The following SLC39A11 variants were observed in gnomAD, a reference collection of about 807,000 sequenced individuals.
SLC39A11 encodes solute carrier family 39 member 11.
A neutral mutation model predicts 36.1 loss-of-function variants in SLC39A11; 33 were observed. The observed-to-expected ratio is 0.91, with a 90% CI of 0.69 to 1.22. The LOEUF (loss-of-function observed/expected upper bound fraction) is 1.22, where lower values mean the gene tolerates loss of function less well. Ranked by LOEUF, SLC39A11 falls within the 50% of genes most tolerant of loss-of-function variation. The pLI is 0.00. For synonymous variants in SLC39A11, 166 were observed against 170.3 expected, an observed-to-expected ratio of 0.97 and a Z score of 0.20; for missense variants, 432 against 430.3, an observed-to-expected ratio of 1.00 and a Z score of -0.03.
At chr17:72,675,451 G>A (rs971242849) in intron 7 of SLC39A11, among the ~76,000 whole-genome samples, 12 of 152,144 alleles carry the variant, frequency 7.9e-5, no homozygotes, top group East Asian at 1.9e-4. Flanking sequence ...CACAGTTTAC[G>A]GCATTTTGTT....
chr17:72,915,522 G>A (rs907966510), intron 5 of SLC39A11, among the ~76,000 whole-genome samples: 17 of 152,144 alleles, frequency 1.1e-4, no homozygotes, highest in Admixed American at 2.0e-4. Context: ...CCCTTCTCTT[G>A]GGAAATGCAA....
intron 6 of SLC39A11, among the ~76,000 whole-genome samples, chr17:72,837,324 A>AT (rs1358913817): frequency 7.3e-6 from 1 of 136,112 alleles, no homozygotes; most frequent in East Asian, 2.3e-4. Context: ...AATTCACTAG[A>AT]TTTTTTAAAA....
In SLC39A11 at chr17:72,656,071, GTGGGCCA is replaced by G. The variant is rs574636673; in HGVS notation, c.672-6810_672-6804del. On this transcript the variant is annotated intron_variant, in intron 7 of 9. Coordinates refer to ENST00000255559, the MANE Select transcript of SLC39A11 (RefSeq NM_139177.4). ...TGACGATCCTGGGCAGGTGGGGTTG[GTGGGCCA>G]TTCCCTCCCTCCTTTACGCTCTGGG... Among the ~76,000 whole-genome samples, 7 of 152,318 alleles carry G rather than the reference GTGGGCCA, an allele frequency of 4.6e-5. No individual in the cohort carries two copies. The South Asian group carries it at 1.5e-3, about 32-fold the overall frequency.
intron 3 of SLC39A11, among the ~76,000 whole-genome samples, chr17:73,052,863 G>C (rs777696195): frequency 1.3e-5 from 2 of 152,068 alleles, no homozygotes; most frequent in Non-Finnish European, 2.9e-5. Context: ...ATCATGCCTG[G>C]CTAATTTTTG....
intron 4 of SLC39A11, among the ~76,000 whole-genome samples, chr17:73,010,023 G>A (rs1027156605): frequency 3.9e-5 from 6 of 151,982 alleles, no homozygotes; most frequent in Admixed American, 1.3e-4. Flanking sequence ...CCAAGGTTTC[G>A]GTACTCTTCT....
intron 4 of SLC39A11, among the ~76,000 whole-genome samples, chr17:72,978,197 C>CCTTCCTCTTCCT (rs10523255): frequency 7.9e-5 from 12 of 151,676 alleles, no homozygotes; most frequent in African/African-American, 2.9e-4. Flanking sequence ...GCGTTCCCTG[C>CCTTCCTCTTCCT]CTTCCTCTTC....
chr17:73,042,751 G>A lies in SLC39A11; in HGVS notation c.148-11037C>T, dbSNP rs561238541. On this transcript the variant is annotated intron_variant, in intron 3 of 9. Coordinates refer to ENST00000255559, the MANE Select transcript of SLC39A11 (RefSeq NM_139177.4). ...TGGGAGGCGGAGGTTGCAGTGAGCC[G>A]AGAACACGCCATTGCACTGCAGCCT... is the stretch of plus-strand genomic sequence containing the variant. Among the ~76,000 whole-genome samples, 44 of 152,282 alleles carry A rather than the reference G, an allele frequency of 2.9e-4. No individual in the cohort carries two copies. In the South Asian group the frequency reaches 6.2e-3, roughly 22 times the overall value.
intron 5 of SLC39A11, among the ~76,000 whole-genome samples, chr17:72,939,186 C>T (rs146934442): frequency 1.1e-3 from 172 of 152,194 alleles, no homozygotes; most frequent in African/African-American, 3.8e-3. Context: ...CTAGGCAGGG[C>T]GTGGTGGCTC....
rs58042011 is a variant in SLC39A11, at chr17:72,973,827, C to T, written c.307-25952G>A. ...CCACGTACCTCGGACTCCCAAAGTG[C>T]TGAGATTAAGGCATGAACCACCGCA... On this transcript the variant is annotated intron_variant, in intron 4 of 9. Coordinates refer to ENST00000255559, the MANE Select transcript of SLC39A11 (RefSeq NM_139177.4). Among the ~76,000 whole-genome samples the T allele has an allele frequency of 2.7e-3, 407 of 152,258 alleles. 4 individuals are homozygous for T. The highest frequency in any genetic ancestry group is 9.5e-3 in the African/African-American group (393 of 41,558).
chr17:72,671,383 C>T (rs1433862755), intron 7 of SLC39A11, among the ~76,000 whole-genome samples: 2 of 152,166 alleles, frequency 1.3e-5, no homozygotes, highest in African/African-American at 2.4e-5. Flanking sequence ...CCAATAAATT[C>T]ATTATATTAT....
intron 7 of SLC39A11, among the ~76,000 whole-genome samples, chr17:72,707,520 G>T (rs756787991): frequency 2.6e-5 from 4 of 152,210 alleles, no homozygotes; most frequent in Non-Finnish European, 5.9e-5. Context: ...TATAGGCAGG[G>T]AGACACTGGT....
intron 6 of SLC39A11, among the ~76,000 whole-genome samples, chr17:72,790,406 C>G (rs1196570354): frequency 6.6e-6 from 1 of 152,132 alleles, no homozygotes; most frequent in African/African-American, 2.4e-5. Context: ...ACAAAGACAC[C>G]AGATGGTGGT....
At chr17:72,860,674 TTC>T (rs1264792351) in intron 5 of SLC39A11, among the ~76,000 whole-genome samples, 1 of 152,204 alleles carries the variant, frequency 6.6e-6, no homozygotes, top group Non-Finnish European at 1.5e-5. Context: ...TTCTTCAGGA[TTC>T]TCTCTTTTCC....
intron 6 of SLC39A11, among the ~76,000 whole-genome samples, chr17:72,774,996 G>GGA (rs766674118): frequency 7.4e-6 from 1 of 135,964 alleles, no homozygotes; most frequent in African/African-American, 3.0e-5. Context: ...TGGCTACAAA[G>GGA]AAAAAAAAAA....
chr17:72,976,147 G>A (rs2148110669), intron 4 of SLC39A11, among the ~76,000 whole-genome samples: 1 of 121,788 alleles, frequency 8.2e-6, no homozygotes, highest in East Asian at 2.4e-4. Context: ...TCCAGCCTGA[G>A]CGACAGAGCG....
intron 5 of SLC39A11, among the ~76,000 whole-genome samples, chr17:72,917,373 G>A (rs376022592): frequency 2.4e-4 from 37 of 152,288 alleles, no homozygotes; most frequent in East Asian, 1.5e-3. Flanking sequence ...TTTATCTCGC[G>A]GCAAAATGCT....
chr17:72,698,628 G>A (rs2072436338), intron 7 of SLC39A11, among the ~76,000 whole-genome samples: 1 of 152,186 alleles, frequency 6.6e-6, no homozygotes, highest in South Asian at 2.1e-4. Context: ...TTGAACAACA[G>A]TGACTTAAAG....
intron 4 of SLC39A11, among the ~76,000 whole-genome samples, chr17:72,977,883 G>A (rs989749482): frequency 2.6e-5 from 4 of 152,346 alleles, no homozygotes; most frequent in Non-Finnish European, 4.4e-5. Context: ...CTGGGAGAGC[G>A]AAGGTGCCCA....
intron 6 of SLC39A11, among the ~76,000 whole-genome samples, chr17:72,822,966 G>T (rs2077859856): frequency 6.6e-6 from 1 of 150,680 alleles, no homozygotes; most frequent in African/African-American, 2.4e-5. Flanking sequence ...AAACTCCTGA[G>T]CTCAAGCAAT....
Sources: allele counts gnomAD v4.1 joint callset (sites outside exome capture counted in the v4.1 genomes callset), GRCh38; gene constraint gnomAD v4.1.1; transcripts MANE v1.5; gene names NCBI Gene and HGNC (gene_info 2026-07-23, HGNC 2026-07-21).